Variants in COX7A1 observed in about 807,000 individuals in gnomAD.
COX7A1 encodes the protein cytochrome c oxidase subunit 7A1, also known as cytochrome c oxidase subunit 7A1, mitochondrial.
A neutral mutation model predicts 13.2 loss-of-function variants in COX7A1; 21 were observed. The ratio of observed to expected loss-of-function variants is 1.59; its 90% confidence interval spans 1.13 to 2.29. The LOEUF is 2.29. Among genes scored for constraint, COX7A1 ranks in the 30% most tolerant of loss-of-function variants. The pLI is 0.00. For missense variants in COX7A1, 107 were observed against 100.0 expected (o/e 1.07, Z -0.30); for synonymous variants, 41 against 41.9 (o/e 0.98, Z 0.08).
intron 3 of COX7A1, 48 bp from the exon 4 acceptor site, chr19:36,151,082 T>A (rs775693560): frequency 6.3e-7 from 1 of 1,585,154 alleles, no homozygotes; most frequent in Non-Finnish European, 8.6e-7. Flanking sequence ...ATCCCCTCCC[T>A]GGACATCCCA....
rs2285599 is a variant in COX7A1, at chr19:36,151,660, A to C, written c.102+9T>G. On this transcript the variant is annotated intron_variant, in intron 2 of 3. Transcript: ENST00000292907. ...GCGCGTCGGATCCCCACCCCCCCCGACCCCCCACCTGGAAGAGCTTCTGTT... is the reference window on the plus strand; with the variant it reads ...GCGCGTCGGATCCCCACCCCCCCCGCCCCCCCACCTGGAAGAGCTTCTGTT... The C allele has an allele frequency of 0.5, 594,952 of 1,178,366 alleles. 109,062 individuals carry two copies. Among genetic ancestry groups the C allele is most frequent in the East Asian group, 0.78 (25,101 of 32,326 alleles). 73.0% of individuals were successfully genotyped at this position (1,178,366 alleles called of 1,614,324 possible).
At chr19:36,151,595 A>G (rs1458901740) in intron 2 of COX7A1, 49 bp from the exon 3 acceptor site, 2 of 1,611,392 alleles carry the variant, frequency 1.2e-6, no homozygotes, top group Non-Finnish European at 1.7e-6. Context: ...TGCTCCTTAG[A>G]GCGCGCCCCG....
intron 1 of COX7A1, chr19:36,152,051 G>A (rs1262014781): frequency 3.7e-5 from 22 of 602,570 alleles, no homozygotes; most frequent in Non-Finnish European, 6.4e-5. Flanking sequence ...TTGGGGGAGG[G>A]TTTCCTGGAT....
intron 3 of COX7A1, 129 bp downstream of exon 3, chr19:36,151,333 A>C (rs1974763883): frequency 3.1e-6 from 3 of 953,010 alleles, no homozygotes; most frequent in Non-Finnish European, 3.2e-6. Context: ...ACTCCAGCTC[A>C]GTACTCGACC....
chr19:36,151,645 T>TACCCCCCCCCCC, intron 2 of COX7A1, 24 bp downstream of exon 2: 1 of 1,387,610 alleles, frequency 7.2e-7, no homozygotes, highest in Non-Finnish European at 9.9e-7. Flanking sequence ...GCGCGTCGGA[T>TACCCCCCCCCCC]CCCCACCCCC....
Position 36,152,410 on chromosome 19 carries a change from T to C in COX7A1, c.-3A>G. Reference sequence around the variant, plus strand: ...GGCCTCACCCGAAGGGCCTGCATTCTGCCTTGTCCTCTTCCGCCGGAGTCA... The same window carrying C: ...GGCCTCACCCGAAGGGCCTGCATTCCGCCTTGTCCTCTTCCGCCGGAGTCA... On this transcript the variant is annotated 5_prime_UTR_variant, in exon 1 of 4. Coordinates refer to ENST00000292907, the MANE Select transcript of COX7A1 (RefSeq NM_001864.4). The C allele has an allele frequency of 7.3e-7, 1 of 1,365,620 alleles. No homozygotes were observed. Among genetic ancestry groups the C allele is most frequent in the Admixed American group, 2.8e-5 (1 of 36,306 alleles). 84.6% of individuals were successfully genotyped at this position (1,365,620 alleles called of 1,614,324 possible). A position where few individuals can be genotyped will look rare whatever the true frequency, so the allele number is the denominator to read the frequency against.
At position 36,151,649 on chromosome 19, in the gene COX7A1, C is replaced by CA; in HGVS notation, c.102+19dup. 2 of 1,398,570 alleles carry CA rather than the reference C, an allele frequency of 1.4e-6. No homozygotes were observed. Among genetic ancestry groups the CA allele is most frequent in the Middle Eastern group, 1.8e-4 (1 of 5,600 alleles). The allele number at this position is 1,398,570 out of a possible 1,614,324, so 86.6% of individuals were successfully genotyped here. On this transcript the variant is annotated intron_variant, in intron 2 of 3. Coordinates refer to ENST00000292907, the MANE Select transcript of COX7A1 (RefSeq NM_001864.4). ...GCTCCCGGCTGGCGCGTCGGATCCC[C>CA]ACCCCCCCCGACCCCCCACCTGGAA...
intron 2 of COX7A1, 22 bp downstream of exon 2, chr19:36,151,647 C>CCCCCCG: frequency 7.4e-7 from 1 of 1,352,758 alleles, no homozygotes; most frequent in Non-Finnish European, 1.0e-6. Context: ...GCGTCGGATC[C>CCCCCCG]CCACCCCCCC....
At chr19:36,152,296 C>T (rs1197519491) in intron 1 of COX7A1, 97 bp downstream of exon 1, 8 of 916,666 alleles carry the variant, frequency 8.7e-6, no homozygotes, top group Non-Finnish European at 1.2e-5. Flanking sequence ...AGGTGGCTCA[C>T]GTTCCAAGGC....
At chr19:36,152,355 T>A in intron 1 of COX7A1, 38 bp downstream of exon 1, 1 of 1,233,154 alleles carries the variant, frequency 8.1e-7, no homozygotes. Flanking sequence ...CGGGGTTTTC[T>A]GGGTGGGGGG....
chr19:36,152,105 G>T, intron 1 of COX7A1: 1 of 594,418 alleles, frequency 1.7e-6, no homozygotes, highest in East Asian at 2.9e-5. Context: ...GACCGGAATG[G>T]AGGTCCCCGG....
At chr19:36,152,347 G>T (rs964442289) in intron 1 of COX7A1, 46 bp downstream of exon 1, 1 of 1,310,866 alleles carries the variant, frequency 7.6e-7, no homozygotes, top group Non-Finnish European at 9.8e-7. Context: ...TATTAGGGCG[G>T]GGTTTTCTGG....
chr19:36,150,977 TG>T lies in COX7A1; in HGVS notation c.*4del. 6.2e-7 allele frequency: 1 copy of T among 1,613,870 alleles called. No homozygotes were observed. The highest frequency in any genetic ancestry group is 8.5e-7 in the Non-Finnish European group (1 of 1,179,794). ...AGTCTCTCAGGCCCCCCAGGCTTCT[TG>T]GTCTTAATTCCTGGGGAAGGAGGCC... is the stretch of plus-strand genomic sequence containing the variant. On this transcript the variant is annotated 3_prime_UTR_variant, in exon 4 of 4. Coordinates refer to ENST00000292907, the MANE Select transcript of COX7A1 (RefSeq NM_001864.4).
At chr19:36,152,320 G>T in intron 1 of COX7A1, 73 bp downstream of exon 1, 2 of 1,132,444 alleles carry the variant, frequency 1.8e-6, no homozygotes, top group Non-Finnish European at 1.2e-6. Flanking sequence ...AGATGCGGGG[G>T]CACTTGGAGA....
At chr19:36,151,645 T>TCCCCCCCCGCCCCCCCCC in intron 2 of COX7A1, 24 bp downstream of exon 2, 1 of 1,387,632 alleles carries the variant, frequency 7.2e-7, no homozygotes, top group Non-Finnish European at 9.9e-7. Context: ...GCGCGTCGGA[T>TCCCCCCCCGCCCCCCCCC]CCCCACCCCC....
At chr19:36,151,404 C>T (rs1221967098) in intron 3 of COX7A1, 58 bp downstream of exon 3, 4 of 1,590,142 alleles carry the variant, frequency 2.5e-6, no homozygotes, top group Non-Finnish European at 3.4e-6. Flanking sequence ...AAACCAGCCA[C>T]CTCTTACTCT....
chr19:36,151,410 A>G, intron 3 of COX7A1, 52 bp downstream of exon 3: 3 of 1,598,438 alleles, frequency 1.9e-6, no homozygotes, highest in Non-Finnish European at 2.6e-6. Context: ...GCCACCTCTT[A>G]CTCTGGGTCC....
At position 36,152,424 on chromosome 19, in the gene COX7A1, C is replaced by T; in HGVS notation, c.-17G>A. 1.6e-5 allele frequency: 22 copies of T among 1,350,114 alleles called. No homozygotes were observed. The highest frequency in any genetic ancestry group is 2.1e-5 in the Non-Finnish European group (22 of 1,038,360). The allele number at this position is 1,350,114 out of a possible 1,614,324, so 83.6% of individuals were successfully genotyped here. A position where few individuals can be genotyped will look rare whatever the true frequency, so the allele number is the denominator to read the frequency against. ...GGCCTGCATTCTGCCTTGTCCTCTT[C>T]CGCCGGAGTCACCTCCCTTCTCCGC... On this transcript the variant is annotated 5_prime_UTR_variant, in exon 1 of 4. Coordinates refer to ENST00000292907, the MANE Select transcript of COX7A1 (RefSeq NM_001864.4).
At chr19:36,151,645 T>TTC in intron 2 of COX7A1, 24 bp downstream of exon 2, 35 of 1,387,544 alleles carry the variant, frequency 2.5e-5, no homozygotes, top group Non-Finnish European at 3.1e-5. Flanking sequence ...GCGCGTCGGA[T>TTC]CCCCACCCCC....
Sources: gnomAD v4.1 joint callset for allele counts on GRCh38, gnomAD v4.1.1 for gene constraint, MANE v1.5 for transcripts, NCBI Gene and HGNC (gene_info 2026-07-23, HGNC 2026-07-21) for gene names.